Variants in TNKS observed in about 807,000 individuals in gnomAD.
The protein encoded by TNKS is poly [ADP-ribose] polymerase tankyrase-1.
Under a neutral mutation model 135.8 loss-of-function variants are expected in TNKS, and 72 were observed. The observed-to-expected ratio is 0.53, with a 90% confidence interval of 0.44 to 0.64. The LOEUF (loss-of-function observed/expected upper bound fraction) is 0.64, where lower values mean the gene tolerates loss of function less well. TNKS is among the 30% of genes least tolerant of loss of function. The pLI, the probability that TNKS is intolerant of heterozygous loss-of-function variation, is 0.00. For synonymous variants in TNKS, 849 were observed against 649.3 expected (o/e 1.31, Z -4.68); for missense variants, 1,769 against 1,674.0 (o/e 1.06, Z -0.99).
intron 1 of TNKS, chr8:9,556,940 A>C: frequency 4.1e-6 from 2 of 492,184 alleles, no homozygotes; most frequent in East Asian, 6.4e-5. Flanking sequence ...ACAGCTTTAG[A>C]GTAGTTTTGT....
chr8:9,773,272 G>A (rs890857669), intron 26 of TNKS, among the ~76,000 whole-genome samples: 2 of 151,820 alleles, frequency 1.3e-5, no homozygotes, highest in African/African-American at 4.8e-5. Context: ...TAAATATTAA[G>A]CAAAAGCAGA....
intron 4 of TNKS, 116 bp downstream of exon 4, chr8:9,680,103 TA>T (rs1802721869): frequency 2.8e-6 from 2 of 716,506 alleles, no homozygotes; most frequent in Non-Finnish European, 4.9e-6. Flanking sequence ...TTTATGCAAT[TA>T]TGCAGATACT....
At chr8:9,613,880 CA>C (rs1357117920) in intron 2 of TNKS, among the ~76,000 whole-genome samples, 1 of 152,160 alleles carries the variant, frequency 6.6e-6, no homozygotes, top group Non-Finnish European at 1.5e-5. Context: ...TTAAAAACTA[CA>C]AAATGAAAGC....
chr8:9,761,161 G>C (rs913145528), intron 20 of TNKS, among the ~76,000 whole-genome samples: 5 of 152,126 alleles, frequency 3.3e-5, no homozygotes, highest in African/African-American at 1.2e-4. Context: ...CTAGGATCTG[G>C]TGTTTTCCCA....
intron 2 of TNKS, among the ~76,000 whole-genome samples, chr8:9,610,015 G>A (rs28610188): frequency 6.6e-6 from 1 of 151,766 alleles, no homozygotes; most frequent in Non-Finnish European, 1.5e-5. Flanking sequence ...CCGCCACCAC[G>A]CCTGGCTAAT....
intron 1 of TNKS, among the ~76,000 whole-genome samples, chr8:9,577,243 C>G (rs1316062534): frequency 1.3e-5 from 2 of 151,822 alleles, no homozygotes; most frequent in African/African-American, 4.8e-5. Context: ...ACCTATTGAT[C>G]TAGTACTACT....
chr8:9,706,990 A>T lies in TNKS; in HGVS notation c.1449A>T (p.Arg483Ser). ...DMAPTPELRE[R>S]LTYEFKGHSL... Reference sequence around the variant, plus strand: ...CTCCAACTCCGGAGCTTAGGGAGAGATTGACTTGTACGTATTTATATCCCG... The same window carrying T: ...CTCCAACTCCGGAGCTTAGGGAGAGTTTGACTTGTACGTATTTATATCCCG... The change falls in exon 8 of 27, where the codon AGA becomes AGT. Residue 483 changes from arginine (R) to serine (S), a missense_variant. Transcript: ENST00000310430. The T allele has an allele frequency of 5.0e-6, 8 of 1,590,754 alleles. No homozygotes were observed. The highest frequency in any genetic ancestry group is 6.8e-6 in the Non-Finnish European group (8 of 1,169,888).
chr8:9,767,859 T>C (rs960738011), intron 25 of TNKS, among the ~76,000 whole-genome samples: 15 of 149,546 alleles, frequency 1.0e-4, no homozygotes, highest in African/African-American at 3.7e-4. Flanking sequence ...CTCGGGAGGC[T>C]GAGGCAGGAG....
At chr8:9,763,320 G>A (rs890932408) in intron 22 of TNKS, 76 bp downstream of exon 22, 32 of 959,280 alleles carry the variant, frequency 3.3e-5, no homozygotes, top group Middle Eastern at 2.2e-4. Context: ...AATTAACCTC[G>A]TCTTACATTG....
At chr8:9,711,390 T>G (rs1347997752) in intron 11 of TNKS, among the ~76,000 whole-genome samples, 1 of 152,202 alleles carries the variant, frequency 6.6e-6, no homozygotes, top group Non-Finnish European at 1.5e-5. Flanking sequence ...CAGCATATTT[T>G]GGCATAGTGT....
intron 3 of TNKS, among the ~76,000 whole-genome samples, chr8:9,661,089 C>T (rs1801687623): frequency 1.3e-5 from 2 of 151,924 alleles, no homozygotes; most frequent in Non-Finnish European, 2.9e-5. Flanking sequence ...AAAGAGGATA[C>T]AAACAAATGG....
chr8:9,597,040 A>C (rs549606775), intron 2 of TNKS, among the ~76,000 whole-genome samples: 32 of 152,346 alleles, frequency 2.1e-4, no homozygotes, highest in South Asian at 1.4e-3. Flanking sequence ...ACTTCTGGGG[A>C]AGAAAGCTTG....
chr8:9,650,786 G>GTGTTTGTCTGTTT (rs1801120606), intron 3 of TNKS, among the ~76,000 whole-genome samples: 5 of 152,152 alleles, frequency 3.3e-5, no homozygotes, highest in Admixed American at 2.6e-4. Context: ...CTCTGCTGAT[G>GTGTTTGTCTGTTT]ATTTCTTTTG....
chr8:9,580,331 C>A lies in TNKS; in HGVS notation c.846C>A (p.Asn282Lys). Reference protein sequence around the residue: ...GADPNARDNWNYTPLHEAAIK... With the variant: ...GADPNARDNWKYTPLHEAAIK... ...ATCCAAATGCCAGGGATAACTGGAACTATACACCTCTGCATGAAGCTGCTA... is the reference window on the plus strand; with the variant it reads ...ATCCAAATGCCAGGGATAACTGGAAATATACACCTCTGCATGAAGCTGCTA... Residue 282 changes from asparagine (N) to lysine (K), a missense_variant, in exon 2 of 27, where the codon AAC (asparagine) becomes AAA (lysine). Physicochemically the swap from Asn to Lys is moderately conservative, Grantham distance 94. This residue lies in a region of TNKS where 523 missense variants were observed against 541.0 expected (regional missense o/e 0.97). Coordinates refer to ENST00000310430, the MANE Select transcript of TNKS (RefSeq NM_003747.3). 1 of 1,614,156 alleles carries A rather than the reference C, an allele frequency of 6.2e-7. No homozygotes were observed. The highest frequency in any genetic ancestry group is 8.5e-7 in the Non-Finnish European group (1 of 1,180,044).
chr8:9,635,755 T>G (rs1273613509), intron 3 of TNKS, among the ~76,000 whole-genome samples: 1 of 152,180 alleles, frequency 6.6e-6, no homozygotes, highest in Admixed American at 6.5e-5. Context: ...GAGAAAACAT[T>G]AAACAAATTC....
At chr8:9,667,659 G>A (rs1309308606) in intron 3 of TNKS, among the ~76,000 whole-genome samples, 2 of 152,186 alleles carry the variant, frequency 1.3e-5, no homozygotes, top group Non-Finnish European at 2.9e-5. Flanking sequence ...GAAAGATGTA[G>A]TGAGTGCAAT....
At chr8:9,592,767 G>A (rs927600974) in intron 2 of TNKS, among the ~76,000 whole-genome samples, 1 of 152,090 alleles carries the variant, frequency 6.6e-6, no homozygotes, top group Non-Finnish European at 1.5e-5. Context: ...ATATTACTCT[G>A]TGTTACATGG....
intron 2 of TNKS, among the ~76,000 whole-genome samples, chr8:9,600,903 A>G (rs1798991598): frequency 6.6e-6 from 1 of 152,234 alleles, no homozygotes; most frequent in Non-Finnish European, 1.5e-5. Flanking sequence ...ATCTAAATTA[A>G]TAGATTTATT....
intron 3 of TNKS, among the ~76,000 whole-genome samples, chr8:9,678,537 G>C: frequency 6.6e-6 from 1 of 152,130 alleles, no homozygotes; most frequent in East Asian, 1.9e-4. Flanking sequence ...GTTCTTTTAA[G>C]AGAAAATAGG....
Sources: gnomAD v4.1 joint callset for allele counts (sites outside exome capture counted in the v4.1 genomes callset) on GRCh38, gnomAD v4.1.1 for gene constraint, gnomAD v4.1.1 regional missense constraint, MANE v1.5 for transcripts, NCBI Gene and HGNC (gene_info 2026-07-23, HGNC 2026-07-21) for gene names.